The following PHF20L1 variants were observed in gnomAD, a reference collection of about 807,000 sequenced individuals.
PHF20L1 encodes the protein PHD finger protein 20-like protein 1.
PHF20L1 carries 44 observed loss-of-function variants against 125.5 expected under a neutral mutation model. That is an observed-to-expected ratio of 0.35 (90% CI 0.28 to 0.45). The LOEUF (loss-of-function observed/expected upper bound fraction) is 0.45, where lower values mean the gene tolerates loss of function less well. PHF20L1 is among the 20% of genes least tolerant of loss of function. The probability of loss-of-function intolerance (pLI) is 1.00; values close to 1 mark genes in which losing one functional copy is unlikely to be tolerated. For synonymous variants in PHF20L1, 380 were observed against 403.1 expected, an observed-to-expected ratio of 0.94 and a Z score of 0.69; for missense variants, 1,012 against 1,217.2, an observed-to-expected ratio of 0.83 and a Z score of 2.51.
At chr8:132,791,043 A>C (rs976605754) in intron 2 of PHF20L1, among the ~76,000 whole-genome samples, 1 of 152,146 alleles carries the variant, frequency 6.6e-6, no homozygotes, top group East Asian at 1.9e-4. Context: ...GTGTATTCTT[A>C]GACAGGTCTT....
At chr8:132,775,710 C>G (rs1026637993) in intron 1 of PHF20L1, 65 bp downstream of exon 1, 8 of 315,402 alleles carry the variant, frequency 2.5e-5, no homozygotes, top group Non-Finnish European at 4.0e-5. Context: ...CGGGACGCCC[C>G]CATTCTGGTG....
intron 14 of PHF20L1, among the ~76,000 whole-genome samples, chr8:132,827,201 T>C (rs1456385648): frequency 6.6e-6 from 1 of 151,058 alleles, no homozygotes; most frequent in African/African-American, 2.4e-5. Context: ...GAATTCAAGC[T>C]AGAAATGATG....
chr8:132,825,808 G>T (rs374827673), intron 14 of PHF20L1, among the ~76,000 whole-genome samples: 1 of 152,034 alleles, frequency 6.6e-6, no homozygotes, highest in Non-Finnish European at 1.5e-5. Flanking sequence ...GAAATCAGAG[G>T]GATGCAGCCC....
intron 9 of PHF20L1, 141 bp from the exon 10 acceptor site, chr8:132,814,496 G>T: frequency 2.0e-6 from 1 of 508,036 alleles, no homozygotes; most frequent in Non-Finnish European, 3.3e-6. Flanking sequence ...GGTTCTTTTT[G>T]GTTTTTCATT....
At chr8:132,813,222 CT>C in intron 9 of PHF20L1, 4 of 499,866 alleles carry the variant, frequency 8.0e-6, no homozygotes, top group Non-Finnish European at 1.0e-5. Context: ...CTGGCAACAC[CT>C]TTTATAATAA....
chr8:132,842,459 T>C, intron 18 of PHF20L1, 56 bp from the exon 19 acceptor site: 1 of 1,466,402 alleles, frequency 6.8e-7, no homozygotes, highest in South Asian at 1.4e-5. Context: ...TGTATTCAGC[T>C]TGTTAATAGA....
intron 2 of PHF20L1, among the ~76,000 whole-genome samples, chr8:132,780,959 C>T (rs1433554639): frequency 6.6e-6 from 1 of 151,436 alleles, no homozygotes; most frequent in African/African-American, 2.4e-5. Flanking sequence ...ATCCTGCCAC[C>T]TCAGCCTCTT....
intron 4 of PHF20L1, among the ~76,000 whole-genome samples, chr8:132,798,319 C>T (rs1349134770): frequency 6.6e-6 from 1 of 151,854 alleles, no homozygotes; most frequent in Non-Finnish European, 1.5e-5. Context: ...TTGTTATTGC[C>T]CAAGGAATAA....
chr8:132,778,443 G>A (rs1446577835), intron 2 of PHF20L1, among the ~76,000 whole-genome samples: 1 of 152,138 alleles, frequency 6.6e-6, no homozygotes, highest in Non-Finnish European at 1.5e-5. Flanking sequence ...TCCCTGGTGG[G>A]CCTTAACCTA....
At chr8:132,835,078 C>T (rs763911328) in intron 15 of PHF20L1, among the ~76,000 whole-genome samples, 2 of 152,100 alleles carry the variant, frequency 1.3e-5, no homozygotes, top group African/African-American at 2.4e-5. Flanking sequence ...TGTTCAACTT[C>T]GGTCCCATCT....
chr8:132,778,865 T>G (rs988068), intron 2 of PHF20L1, among the ~76,000 whole-genome samples: 1 of 151,980 alleles, frequency 6.6e-6, no homozygotes, highest in Non-Finnish European at 1.5e-5. Flanking sequence ...TTGATGCGAG[T>G]TCTTGTTTAG....
chr8:132,834,025 A>G (rs191825356), intron 15 of PHF20L1, among the ~76,000 whole-genome samples: 2 of 152,172 alleles, frequency 1.3e-5, no homozygotes, highest in East Asian at 1.9e-4. Flanking sequence ...AGCAATGACA[A>G]TTTAAGGGGT....
chr8:132,843,007 G>A, intron 19 of PHF20L1, 132 bp downstream of exon 19: 2 of 1,409,262 alleles, frequency 1.4e-6, no homozygotes, highest in South Asian at 1.8e-5. Context: ...GTTAAAGTAA[G>A]GAGATTTTTT....
intron 2 of PHF20L1, among the ~76,000 whole-genome samples, chr8:132,781,883 G>A (rs1206515212): frequency 6.6e-6 from 1 of 152,066 alleles, no homozygotes; most frequent in Non-Finnish European, 1.5e-5. Flanking sequence ...TTTGATAATT[G>A]GATCTCTCCT....
chr8:132,798,203 C>G (rs1412612072), intron 4 of PHF20L1, among the ~76,000 whole-genome samples: 3 of 151,914 alleles, frequency 2.0e-5, no homozygotes, highest in Admixed American at 1.3e-4. Flanking sequence ...TAGCCTTCCT[C>G]TAGAATTCAG....
Position 132,814,803 on chromosome 8 carries a change from C to A in PHF20L1, c.1097C>A (p.Pro366His), listed in dbSNP as rs774231658. ...SGDSSGCIKP[P>H]KSPLSPELIQ... ...GATTCTTCTGGGTGTATAAAACCCC[C>A]TAAATCACCACTTTCCCCAGAATTA... Residue 366 changes from proline to histidine, a missense_variant, in exon 10 of 21, where the codon CCT (proline) becomes CAT (histidine). By Grantham distance (77) the Pro-to-His change is moderately conservative (BLOSUM62 -2). Transcript: ENST00000395386. 2 of 1,612,296 alleles carry A rather than the reference C, an allele frequency of 1.2e-6. No homozygotes were observed. Among genetic ancestry groups the A allele is most frequent in the Non-Finnish European group, 8.5e-7 (1 of 1,178,634 alleles).
chr8:132,817,283 G>T, intron 11 of PHF20L1, 56 bp from the exon 12 acceptor site: 1 of 1,410,716 alleles, frequency 7.1e-7, no homozygotes, highest in Non-Finnish European at 9.9e-7. Flanking sequence ...CACAGTGATA[G>T]TAACTGAGCC....
chr8:132,792,905 G>A (rs1471101459), intron 2 of PHF20L1, among the ~76,000 whole-genome samples: 2 of 151,494 alleles, frequency 1.3e-5, no homozygotes, highest in Non-Finnish European at 2.9e-5. Context: ...AATAAAGAAT[G>A]CAGCCTAACT....
chr8:132,799,917 C>T (rs988898455), intron 6 of PHF20L1: 5 of 151,920 alleles, frequency 3.3e-5, no homozygotes, highest in Non-Finnish European at 7.4e-5. Context: ...GGCTTTGTGT[C>T]TTCCCACATG....
Sources: allele counts gnomAD v4.1 joint callset (sites outside exome capture counted in the v4.1 genomes callset), GRCh38; gene constraint gnomAD v4.1.1; transcripts MANE v1.5; gene names NCBI Gene and HGNC (gene_info 2026-07-23, HGNC 2026-07-21).